The following CCDC88A variants were observed in gnomAD, a reference collection of about 807,000 sequenced individuals.
CCDC88A encodes the protein coiled-coil and HOOK domain protein 88A, also known as girdin.
A neutral mutation model predicts 234.3 loss-of-function variants in CCDC88A; 54 were observed. The ratio of observed to expected loss-of-function variants is 0.23; its 90% CI spans 0.19 to 0.29. The LOEUF (loss-of-function observed/expected upper bound fraction) is 0.29, where lower values mean the gene tolerates loss of function less well. CCDC88A is among the 10% of genes least tolerant of loss of function. The pLI, the probability that CCDC88A is intolerant of heterozygous loss-of-function variation, is 1.00. For missense variants in CCDC88A, 1,832 were observed against 2,123.4 expected (o/e 0.86, Z 2.70); for synonymous variants, 753 against 737.8 (o/e 1.02, Z -0.33).
Position 55,419,269 on chromosome 2 carries a change from G to A in CCDC88A, c.-190C>T, listed in dbSNP as rs563685957. Reference sequence around the variant, plus strand: ...AGAGTGAAACGAGCCGAAATCCCAAGAAGTGGCTTCGACGACGGACACCAC... The same window carrying A: ...AGAGTGAAACGAGCCGAAATCCCAAAAAGTGGCTTCGACGACGGACACCAC... On this transcript the variant is annotated 5_prime_UTR_variant, in exon 1 of 33. Transcript: ENST00000436346. 32 of 567,778 alleles carry A rather than the reference G, an allele frequency of 5.6e-5. No homozygotes were observed. The highest frequency in any genetic ancestry group is 9.5e-5 in the Admixed American group (3 of 31,592). The allele number at this position is 567,778 out of a possible 1,614,324, so 35.2% of individuals were successfully genotyped here. A position where few individuals can be genotyped will look rare whatever the true frequency, so the allele number is the denominator to read the frequency against.
intron 18 of CCDC88A, among the ~76,000 whole-genome samples, chr2:55,320,449 T>C (rs182711264): frequency 3.3e-5 from 5 of 152,288 alleles, no homozygotes; most frequent in East Asian, 3.9e-4. Context: ...ACCAGCCTAT[T>C]ATATGGCTAA....
intron 2 of CCDC88A, among the ~76,000 whole-genome samples, chr2:55,406,903 C>T (rs1679686813): frequency 6.6e-6 from 1 of 152,108 alleles, no homozygotes; most frequent in African/African-American, 2.4e-5. Flanking sequence ...TAGCCTTCAC[C>T]AGGAAAATCA....
intron 8 of CCDC88A, among the ~76,000 whole-genome samples, chr2:55,352,351 C>T (rs897573858): frequency 1.2e-4 from 18 of 151,442 alleles, no homozygotes; most frequent in Admixed American, 6.6e-4. Flanking sequence ...CGCTTGAACC[C>T]AGGAGGCAGA....
At position 55,322,564 on chromosome 2, in the gene CCDC88A, C is replaced by G; in HGVS notation, c.3126G>C (p.Leu1042=). Residue 1042 remains leucine, a synonymous_variant, in exon 18 of 33, where the codon CTG becomes CTC. Transcript: ENST00000436346. ...RESQETTREL[L]KVKDRLIEVE... ...CTTCAATTAATCTGTCTTTAACTTTCAGAAGTTCTCTAGTCGTTTCTTGAC... is the reference window on the plus strand; with the variant it reads ...CTTCAATTAATCTGTCTTTAACTTTGAGAAGTTCTCTAGTCGTTTCTTGAC... 1 of 1,603,966 alleles carries G rather than the reference C, an allele frequency of 6.2e-7. No individual in the cohort carries two copies. The highest frequency in any genetic ancestry group is 8.5e-7 in the Non-Finnish European group (1 of 1,173,946).
At chr2:55,412,365 G>C (rs111787504) in intron 2 of CCDC88A, among the ~76,000 whole-genome samples, 22 of 152,364 alleles carry the variant, frequency 1.4e-4, no homozygotes, top group African/African-American at 4.1e-4. Flanking sequence ...GGATAGTCTA[G>C]AGCAGGAGTC....
rs2104730254 is a variant in CCDC88A at position 55,346,309 on chromosome 2, G to A, written c.907C>T (p.Arg303Cys). The change falls in exon 10 of 33, where the codon CGC (arginine) becomes TGC (cysteine). Residue 303 changes from arginine to cysteine, a missense_variant. Around this residue, in one of 6 missense-constraint regions of CCDC88A, gnomAD observed 1,282 missense variants for 1,543.6 expected, o/e 0.83. Coordinates refer to ENST00000436346, the MANE Select transcript of CCDC88A (RefSeq NM_001365480.1). ...TCATCTCGGTACATTCTGGCAGAGC[G>A]AGCATCCGAAAGCAAATTCATGTTC... ...QENMNLLSDARSARMYRDELD... is the reference protein window; with the variant it reads ...QENMNLLSDACSARMYRDELD... The A allele has an allele frequency of 1.3e-6, 2 of 1,596,364 alleles. No homozygotes were observed. Among genetic ancestry groups the A allele is most frequent in the Non-Finnish European group, 8.5e-7 (1 of 1,170,330 alleles).
At chr2:55,382,932 A>C (rs1674826091) in intron 3 of CCDC88A, among the ~76,000 whole-genome samples, 4 of 152,178 alleles carry the variant, frequency 2.6e-5, no homozygotes, top group Admixed American at 2.6e-4. Flanking sequence ...AGTTCCATGA[A>C]AATAGGGACA....
chr2:55,381,459 G>T lies in CCDC88A; in HGVS notation c.274-6576C>A, dbSNP rs150192161. Among the ~76,000 whole-genome samples, 347 of 151,668 alleles carry T rather than the reference G, an allele frequency of 2.3e-3. 2 individuals are homozygous for T. Among genetic ancestry groups the T allele is most frequent in the African/African-American group, 7.7e-3 (317 of 41,338 alleles). ...TCCCAGCTACTAGGGAGGCTGAGGT[G>T]GGGGGATGGCTTGAGCCCAGGAGGC... On this transcript the variant is annotated intron_variant, in intron 3 of 32. Transcript: ENST00000436346.
chr2:55,328,193 T>C lies in CCDC88A; in HGVS notation c.2997+101A>G, dbSNP rs781452183. 1 of 899,508 alleles carries C rather than the reference T, an allele frequency of 1.1e-6. No individual in the cohort carries two copies. Among genetic ancestry groups the C allele is most frequent in the Non-Finnish European group, 1.7e-6 (1 of 596,046 alleles). The allele number at this position is 899,508 out of a possible 1,614,324, so 55.7% of individuals were successfully genotyped here. On this transcript the variant is annotated intron_variant, in intron 17 of 32. Coordinates refer to ENST00000436346, the MANE Select transcript of CCDC88A (RefSeq NM_001365480.1). This position sits in a 1 kb window ranked among gnomAD's most constrained non-coding sequence, Gnocchi z 4.3. ...GAAAAAGGAAGAAATAGACTAAATA[T>C]CAATAAAATGTTTATATTTTTATTT...
chr2:55,304,500 T>C (rs1364970597), intron 25 of CCDC88A, among the ~76,000 whole-genome samples: 3 of 151,908 alleles, frequency 2.0e-5, no homozygotes, highest in Non-Finnish European at 2.9e-5. Context: ...AAAGATTCGT[T>C]GGGGGAAAGA....
rs750667335 is a variant in CCDC88A, at chr2:55,363,953, T to C, written c.483A>G (p.Gln161=). The change falls in exon 6 of 33, where the codon CAA becomes CAG. Residue 161 remains glutamine, a synonymous_variant. Transcript: ENST00000436346. ...AAAATTGTATATATGTCATTACCTC[T>C]TGAATATGTGCGGCAACCGCTGCTT... ...DTKAAVAAHI[Q]EVTHNQENVF... 1.9e-6 allele frequency: 3 copies of C among 1,575,040 alleles called. No individual in the cohort carries two copies. In the Admixed American group the frequency reaches 5.1e-5, roughly 27 times the overall value.
chr2:55,289,161 ATTAGTGT>A lies in CCDC88A; in HGVS notation c.*2032_*2038del, dbSNP rs1679269716. Reference sequence around the variant, plus strand: ...CCCAGCATGTTCTGTATTTTAGGATATTAGTGTTCTGGAGAGGTCAAGCTGTAATGTC... The same window carrying A: ...CCCAGCATGTTCTGTATTTTAGGATATCTGGAGAGGTCAAGCTGTAATGTC... On this transcript the variant is annotated 3_prime_UTR_variant, in exon 33 of 33. Transcript: ENST00000436346. The A allele has an allele frequency of 6.6e-6, 1 of 152,578 alleles. No individual in the cohort carries two copies. Among genetic ancestry groups the A allele is most frequent in the Non-Finnish European group, 1.5e-5 (1 of 68,016 alleles). 9.5% of individuals were successfully genotyped at this position (152,578 alleles called of 1,614,324 possible).
chr2:55,390,901 A>G (rs148651852), intron 2 of CCDC88A, among the ~76,000 whole-genome samples: 204 of 152,220 alleles, frequency 1.3e-3, no homozygotes, highest in African/African-American at 4.7e-3. Flanking sequence ...GGACTTTGGG[A>G]AGCTAAAACG....
At chr2:55,344,748 C>G (rs948938703) in intron 10 of CCDC88A, among the ~76,000 whole-genome samples, 2 of 152,034 alleles carry the variant, frequency 1.3e-5, no homozygotes, top group Non-Finnish European at 2.9e-5. Flanking sequence ...ATTAAATTGT[C>G]GGGGTATATT....
intron 12 of CCDC88A, among the ~76,000 whole-genome samples, chr2:55,341,424 C>T (rs1333414097): frequency 6.7e-6 from 1 of 149,466 alleles, no homozygotes; most frequent in Non-Finnish European, 1.5e-5. Context: ...AGGTGTGAGC[C>T]ACCATGCCCG....
rs749319278 is a variant in CCDC88A at position 55,334,292 on chromosome 2, T to C, written c.2529A>G (p.Gln843=). The C allele has an allele frequency of 2.1e-6, 3 of 1,456,462 alleles. No homozygotes were observed. Among genetic ancestry groups the C allele is most frequent in the Non-Finnish European group, 2.7e-6 (3 of 1,107,154 alleles). 90.2% of individuals were successfully genotyped at this position (1,456,462 alleles called of 1,614,324 possible). A position where few individuals can be genotyped will look rare whatever the true frequency, so the allele number is the denominator to read the frequency against. ...ATGTGGTATCTTTAATTTCTGCTTG[T>C]TGTCGGAGTCTCTTATTTTCCTTCT... ...QLEKENKRLR[Q]QAEIKDTTLE... is the part of the protein sequence containing the mutation. Residue 843 remains glutamine, a synonymous_variant, in exon 15 of 33, where the codon CAA becomes CAG. Transcript: ENST00000436346. The surrounding 1 kb of genome is among the most constrained non-coding windows in gnomAD (Gnocchi z 6.1).
intron 2 of CCDC88A, chr2:55,403,468 G>T (rs965153546): frequency 6.6e-6 from 1 of 152,198 alleles, no homozygotes; most frequent in African/African-American, 2.4e-5. Context: ...TACCTTACAA[G>T]TGTGTAACGA....
At chr2:55,304,187 G>A (rs1050278987) in intron 25 of CCDC88A, among the ~76,000 whole-genome samples, 2 of 150,328 alleles carry the variant, frequency 1.3e-5, no homozygotes, top group South Asian at 4.2e-4. Context: ...AGTCCTAGCT[G>A]TTCTGGAGGG....
intron 2 of CCDC88A, among the ~76,000 whole-genome samples, chr2:55,399,080 AG>A (rs1188787288): frequency 6.6e-6 from 1 of 152,172 alleles, no homozygotes; most frequent in Admixed American, 6.5e-5. Context: ...TTAGAAAGAT[AG>A]GGTAAGAAGA....
Sources: allele counts gnomAD v4.1 joint callset (sites outside exome capture counted in the v4.1 genomes callset), GRCh38; gene constraint gnomAD v4.1.1; regional missense constraint gnomAD v4.1.1; non-coding constraint Gnocchi (gnomAD v3.1); transcripts MANE v1.5; gene names NCBI Gene and HGNC (gene_info 2026-07-23, HGNC 2026-07-21).